The following BCAS3 variants were observed in gnomAD, a reference collection of about 807,000 sequenced individuals.
BCAS3 encodes the protein BCAS4/BCAS3 fusion.
A neutral mutation model predicts 116.1 loss-of-function variants in BCAS3; 53 were observed. The ratio of observed to expected loss-of-function variants is 0.46; its 90% CI spans 0.37 to 0.57. The LOEUF (loss-of-function observed/expected upper bound fraction) is 0.57, where lower values mean the gene tolerates loss of function less well. BCAS3 is among the 20% of genes least tolerant of loss of function. BCAS3 has a pLI of 0.00. For missense variants in BCAS3, 917 were observed against 1,165.4 expected (o/e 0.79, Z 3.10); for synonymous variants, 391 against 408.2 (o/e 0.96, Z 0.51).
At chr17:60,870,269 A>G (rs2054987724) in intron 8 of BCAS3, among the ~76,000 whole-genome samples, 1 of 152,212 alleles carries the variant, frequency 6.6e-6, no homozygotes, top group Admixed American at 6.5e-5. Flanking sequence ...CTTATTCGGG[A>G]GCCCTAGCAA....
chr17:61,058,780 T>G (rs2069659857), intron 19 of BCAS3, among the ~76,000 whole-genome samples: 1 of 152,194 alleles, frequency 6.6e-6, no homozygotes, highest in Non-Finnish European at 1.5e-5. Context: ...GAAAAGATTA[T>G]ATTAAGTGAA....
intron 7 of BCAS3, among the ~76,000 whole-genome samples, chr17:60,812,295 G>A (rs1436289437): frequency 6.6e-6 from 1 of 152,140 alleles, no homozygotes; most frequent in African/African-American, 2.4e-5. Flanking sequence ...CAAAAAATCA[G>A]ATTTAATTAC....
chr17:61,072,102 T>C (rs1600984928), intron 19 of BCAS3, among the ~76,000 whole-genome samples: 1 of 152,190 alleles, frequency 6.6e-6, no homozygotes, highest in Admixed American at 6.5e-5. Context: ...GAAATTCTTA[T>C]AATCTCTTTA....
At chr17:60,852,999 C>T (rs979311839) in intron 7 of BCAS3, among the ~76,000 whole-genome samples, 2 of 152,172 alleles carry the variant, frequency 1.3e-5, no homozygotes, top group African/African-American at 2.4e-5. Context: ...CACAAAGATG[C>T]GTATAGCAAC....
intron 22 of BCAS3, among the ~76,000 whole-genome samples, chr17:61,311,445 C>T (rs893389471): frequency 1.3e-5 from 2 of 152,170 alleles, no homozygotes; most frequent in Non-Finnish European, 2.9e-5. Flanking sequence ...TTAGAGATCT[C>T]CAGTCAGGCT....
chr17:60,968,286 G>A (rs936124623), intron 14 of BCAS3, among the ~76,000 whole-genome samples: 1 of 152,024 alleles, frequency 6.6e-6, no homozygotes, highest in African/African-American at 2.4e-5. Context: ...TGCAGTCATT[G>A]CTCACTGTAA....
chr17:60,980,415 C>T (rs571677744), intron 14 of BCAS3: 32 of 151,968 alleles, frequency 2.1e-4, no homozygotes, highest in African/African-American at 7.5e-4. Context: ...TGCTATTGGC[C>T]ATTTGTTTAT....
intron 22 of BCAS3, among the ~76,000 whole-genome samples, chr17:61,178,448 A>G (rs1470182704): frequency 6.6e-6 from 1 of 152,080 alleles, no homozygotes; most frequent in African/African-American, 2.4e-5. Flanking sequence ...TTCTTTTTTT[A>G]ATGTGAATTA....
intron 19 of BCAS3, among the ~76,000 whole-genome samples, chr17:61,066,470 ATATTTT>A (rs1218104643): frequency 1.3e-5 from 2 of 152,128 alleles, no homozygotes; most frequent in African/African-American, 4.8e-5. Context: ...CTGGATACAG[ATATTTT>A]TATTTTTATT....
At chr17:60,747,721 C>T (rs975966595) in intron 6 of BCAS3, among the ~76,000 whole-genome samples, 1 of 152,126 alleles carries the variant, frequency 6.6e-6, no homozygotes, top group Admixed American at 6.6e-5. Flanking sequence ...TATACTTATG[C>T]CATGGAGAGC....
chr17:60,911,772 T>G (rs931970646), intron 12 of BCAS3, among the ~76,000 whole-genome samples: 7 of 152,220 alleles, frequency 4.6e-5, no homozygotes, highest in Admixed American at 4.6e-4. Flanking sequence ...CATACCTATT[T>G]GGAGGAATTT....
chr17:60,704,302 G>A (rs770013660), intron 4 of BCAS3, among the ~76,000 whole-genome samples: 4 of 151,810 alleles, frequency 2.6e-5, no homozygotes, highest in Admixed American at 6.6e-5. Context: ...CGGAATTAAC[G>A]CCAGGAAGGG....
chr17:61,372,706 C>T (rs2059113734), intron 23 of BCAS3, among the ~76,000 whole-genome samples: 1 of 152,210 alleles, frequency 6.6e-6, no homozygotes, highest in Non-Finnish European at 1.5e-5. Flanking sequence ...GCCCGCGAGG[C>T]TTCTGTGCAT....
intron 9 of BCAS3, chr17:60,887,589 G>T (rs1217942872): frequency 6.6e-6 from 1 of 152,122 alleles, no homozygotes; most frequent in African/African-American, 2.4e-5. Context: ...AGTAGTCCCA[G>T]CACCGTTTGT....
chr17:60,819,609 C>A (rs1343938639), intron 7 of BCAS3, among the ~76,000 whole-genome samples: 3 of 152,140 alleles, frequency 2.0e-5, no homozygotes, highest in Admixed American at 2.0e-4. Context: ...AAAATCTGTG[C>A]TGTTAGGGCC....
At chr17:60,684,506 C>T (rs1209246913) in intron 3 of BCAS3, among the ~76,000 whole-genome samples, 1 of 151,830 alleles carries the variant, frequency 6.6e-6, no homozygotes, top group African/African-American at 2.4e-5. Flanking sequence ...AAGTCTTTTA[C>T]TGTTCCTTTT....
chr17:61,361,856 T>C lies in BCAS3; in HGVS notation c.2426-6471T>C, dbSNP rs144233111. On this transcript the variant is annotated intron_variant, in intron 22 of 23. Transcript: ENST00000407086. The surrounding 1 kb of genome is among the most constrained non-coding windows in gnomAD (Gnocchi z 6.5). ...CAGTGTCCAAGGGCAGGAATTAGTG[T>C]CCTAACTCCGACAGAGAGAACAAAT... The C allele has an allele frequency of 6.6e-6, 1 of 152,262 alleles. No homozygotes were observed. The highest frequency in any genetic ancestry group is 2.4e-5 in the African/African-American group (1 of 41,538). The allele number at this position is 152,262 out of a possible 1,614,324, so 9.4% of individuals were successfully genotyped here.
chr17:60,681,973 G>A (rs898729267), intron 2 of BCAS3, among the ~76,000 whole-genome samples: 10 of 151,690 alleles, frequency 6.6e-5, no homozygotes, highest in Middle Eastern at 6.9e-3. Context: ...CAGGTGGTCC[G>A]CCTGCCTCAG....
In BCAS3 at chr17:60,820,225, G is replaced by A. The variant is rs569218629; in HGVS notation, c.476+12149G>A. 4.0e-3 allele frequency among the ~76,000 whole-genome samples: 614 copies of A among 152,112 alleles called. 3 individuals are homozygous for A. Among genetic ancestry groups the A allele is most frequent in the African/African-American group, 0.014 (581 of 41,522 alleles). On this transcript the variant is annotated intron_variant, in intron 7 of 23. Coordinates refer to ENST00000407086, the MANE Select transcript of BCAS3 (RefSeq NM_017679.5). ...TGGGACTACAGGCACCCGCCACCAC[G>A]CCCGGCTAATTTTTTGTATTTTTAG...
Sources: allele counts gnomAD v4.1 joint callset (sites outside exome capture counted in the v4.1 genomes callset), GRCh38; gene constraint gnomAD v4.1.1; non-coding constraint Gnocchi (gnomAD v3.1); transcripts MANE v1.5; gene names NCBI Gene and HGNC (gene_info 2026-07-23, HGNC 2026-07-21).